The following RMND1 variants were observed in gnomAD, a reference collection of about 807,000 sequenced individuals.
The protein encoded by RMND1 is required for meiotic nuclear division protein 1 homolog.
RMND1 carries 41 observed loss-of-function variants against 54.0 expected under a neutral mutation model. The observed-to-expected ratio is 0.76, with a 90% CI of 0.59 to 0.98. The LOEUF (loss-of-function observed/expected upper bound fraction) is 0.98. Ranked by LOEUF, RMND1 falls within the 50% of genes least tolerant of loss-of-function variation. The pLI is 0.00. For synonymous variants in RMND1, 183 were observed against 181.7 expected, an observed-to-expected ratio of 1.01 and a Z score of -0.06; for missense variants, 457 against 532.0, an observed-to-expected ratio of 0.86 and a Z score of 1.39.
In RMND1 at chr6:151,447,810, C is replaced by CT. The variant is rs869136474; in HGVS notation, c.-14-1986dup. ...TCTTTTTATTCTCTTTGAGTAAATT[C>CT]TTTTTTTTTTTTTTTTTTTTGAGAT... On this transcript the variant is annotated intron_variant, in intron 1 of 11. Transcript: ENST00000444024. 4.7e-3 allele frequency among the ~76,000 whole-genome samples: 523 copies of CT among 110,328 alleles called. 3 individuals are homozygous for CT. The highest frequency in any genetic ancestry group is 6.1e-3 in the South Asian group (21 of 3,434). 72.4% of individuals were successfully genotyped at this position (110,328 alleles called of 152,430 possible).
intron 2 of RMND1, among the ~76,000 whole-genome samples, chr6:151,437,267 T>C (rs1052012986): frequency 6.6e-6 from 1 of 152,214 alleles, no homozygotes; most frequent in Non-Finnish European, 1.5e-5. Flanking sequence ...GCTTTTTTAA[T>C]AAAACTAAAT....
chr6:151,405,986 C>T, intron 10 of RMND1, 150 bp from the exon 11 acceptor site: 1 of 482,838 alleles, frequency 2.1e-6, no homozygotes, highest in Non-Finnish European at 3.7e-6. Flanking sequence ...GTGAATCCGT[C>T]CAGAGACATT....
At chr6:151,440,875 T>G (rs1206305449) in intron 2 of RMND1, among the ~76,000 whole-genome samples, 1 of 152,214 alleles carries the variant, frequency 6.6e-6, no homozygotes, top group African/African-American at 2.4e-5. Flanking sequence ...GCTTTCATTT[T>G]TATACATCCT....
At position 151,427,063 on chromosome 6, in the gene RMND1, G is replaced by A. The variant is rs988318529; in HGVS notation, c.830+419C>T. Reference sequence around the variant, plus strand: ...TGGGATTACAGGTGTGAGCTACCACGCCTGGCCACTTTTTTCTTAAAAGTA... The same window carrying A: ...TGGGATTACAGGTGTGAGCTACCACACCTGGCCACTTTTTTCTTAAAAGTA... On this transcript the variant is annotated intron_variant, in intron 6 of 11. Coordinates refer to ENST00000444024, the MANE Select transcript of RMND1 (RefSeq NM_017909.4). Among the ~76,000 whole-genome samples, 45 of 151,518 alleles carry A rather than the reference G, an allele frequency of 3.0e-4. 1 individual carries two copies. Among genetic ancestry groups the A allele is most frequent in the African/African-American group, 1.0e-3 (42 of 41,400 alleles).
chr6:151,421,054 T>A, intron 9 of RMND1, 191 bp downstream of exon 9: 1 of 483,582 alleles, frequency 2.1e-6, no homozygotes, highest in East Asian at 3.3e-5. Context: ...CGTGATTTCT[T>A]TCAGTACAGT....
rs1168517834 is a variant in RMND1, at chr6:151,428,540, A to G, written c.730-958T>C. Among the ~76,000 whole-genome samples, 6 of 152,324 alleles carry G rather than the reference A, an allele frequency of 3.9e-5. No homozygotes were observed. The South Asian group carries it at 1.2e-3, about 32-fold the overall frequency. Reference sequence around the variant, plus strand: ...AGATATGTGGACTTACACAATATGTATATATGTAACAGACAGGGTCTCACC... The same window carrying G: ...AGATATGTGGACTTACACAATATGTGTATATGTAACAGACAGGGTCTCACC... On this transcript the variant is annotated intron_variant, in intron 5 of 11. Coordinates refer to ENST00000444024, the MANE Select transcript of RMND1 (RefSeq NM_017909.4).
At chr6:151,449,644 CTCCTCT>C (rs1562803327) in intron 1 of RMND1, among the ~76,000 whole-genome samples, 13 of 151,908 alleles carry the variant, frequency 8.6e-5, no homozygotes, top group African/African-American at 2.9e-4. Flanking sequence ...CTCCCTCTCC[CTCCTCT>C]CCCTCTCCCC....
chr6:151,434,134 G>T (rs1370798126), intron 3 of RMND1, among the ~76,000 whole-genome samples: 2 of 152,046 alleles, frequency 1.3e-5, no homozygotes, highest in Non-Finnish European at 2.9e-5. Context: ...CATGAGCCAC[G>T]GGGCCTGGCC....
At chr6:151,447,792 AT>A (rs1780999242) in intron 1 of RMND1, among the ~76,000 whole-genome samples, 2 of 142,772 alleles carry the variant, frequency 1.4e-5, no homozygotes, top group Non-Finnish European at 3.1e-5. Context: ...GATTCTTTTT[AT>A]TCTCTTTGAG....
Position 151,405,270 on chromosome 6 carries a change from T to TA in RMND1, c.1318-4dup. ...ACTCGTCCCAGCTCAAACATTACCT[T>TA]AGAATAGAAAGTGAGAATTATTTCA... On this transcript the variant is annotated splice_polypyrimidine_tract_variant and splice_region_variant and intron_variant, in intron 11 of 11. Coordinates refer to ENST00000444024, the MANE Select transcript of RMND1 (RefSeq NM_017909.4). The TA allele has an allele frequency of 6.2e-7, 1 of 1,612,218 alleles. No homozygotes were observed. Among genetic ancestry groups the TA allele is most frequent in the Non-Finnish European group, 8.5e-7 (1 of 1,178,418 alleles).
At chr6:151,410,231 AT>A (rs1233468101) in intron 10 of RMND1, among the ~76,000 whole-genome samples, 49 of 151,660 alleles carry the variant, frequency 3.2e-4, no homozygotes, top group Non-Finnish European at 6.3e-4. Context: ...ATTTTTTTGT[AT>A]TTTTAGTAGA....
At chr6:151,430,233 G>T in intron 4 of RMND1, 56 bp from the exon 5 acceptor site, 1 of 1,247,900 alleles carries the variant, frequency 8.0e-7, no homozygotes, top group Non-Finnish European at 1.2e-6. Flanking sequence ...CATTCTTTAG[G>T]GTCGTATATA....
chr6:151,449,660 C>T (rs569343321), intron 1 of RMND1, among the ~76,000 whole-genome samples: 12 of 151,412 alleles, frequency 7.9e-5, no homozygotes, highest in Non-Finnish European at 1.3e-4. Context: ...TCCCTCTCCC[C>T]ACGGTCCCCC....
At chr6:151,451,985 C>G (rs1405786957) in intron 1 of RMND1, 31 bp downstream of exon 1, 1 of 154,514 alleles carries the variant, frequency 6.5e-6, no homozygotes, top group Admixed American at 6.5e-5. Flanking sequence ...CCGGACCACT[C>G]GAGCTGCTAA....
At chr6:151,434,884 T>C (rs1780554334) in intron 3 of RMND1, among the ~76,000 whole-genome samples, 1 of 152,240 alleles carries the variant, frequency 6.6e-6, no homozygotes. Context: ...AGTCTCGCTC[T>C]GTCACCCAGG....
intron 2 of RMND1, among the ~76,000 whole-genome samples, chr6:151,439,865 G>A (rs778866329): frequency 6.6e-6 from 1 of 152,060 alleles, no homozygotes; most frequent in African/African-American, 2.4e-5. Flanking sequence ...TCTCCATGTT[G>A]GTCAGGCTGG....
chr6:151,417,017 T>C, intron 10 of RMND1: 1 of 299,400 alleles, frequency 3.3e-6, no homozygotes, highest in Non-Finnish European at 6.2e-6. Context: ...AACTCTTGCT[T>C]GAAACTTGAC....
intron 10 of RMND1, among the ~76,000 whole-genome samples, chr6:151,406,795 C>T (rs995544479): frequency 6.6e-6 from 1 of 152,162 alleles, no homozygotes; most frequent in South Asian, 2.1e-4. Flanking sequence ...AGATGAATCA[C>T]AGGTACGTGT....
chr6:151,405,135 G>T lies in RMND1; in HGVS notation c.*100C>A. The T allele has an allele frequency of 9.7e-7, 1 of 1,033,866 alleles. No individual in the cohort carries two copies. The allele number at this position is 1,033,866 out of a possible 1,614,324, so 64.0% of individuals were successfully genotyped here. A position where few individuals can be genotyped will look rare whatever the true frequency, so the allele number is the denominator to read the frequency against. ...GCCACCCTTCTTGGCCTCCGAAAGT[G>T]CTGGGATTACAGGCATGAGGCACCG... On this transcript the variant is annotated 3_prime_UTR_variant, in exon 12 of 12. Coordinates refer to ENST00000444024, the MANE Select transcript of RMND1 (RefSeq NM_017909.4).
Sources: allele counts gnomAD v4.1 joint callset (sites outside exome capture counted in the v4.1 genomes callset), GRCh38; gene constraint gnomAD v4.1.1; transcripts MANE v1.5; gene names NCBI Gene and HGNC (gene_info 2026-07-23, HGNC 2026-07-21).